Variants in DGKB observed in about 807,000 individuals in gnomAD.
DGKB encodes diacylglycerol kinase beta.
A neutral mutation model predicts 114.3 loss-of-function variants in DGKB; 67 were observed. The ratio of observed to expected loss-of-function variants is 0.59; its 90% CI spans 0.48 to 0.72. The LOEUF is 0.72. DGKB is among the 30% of genes least tolerant of loss of function. DGKB has a pLI of 0.00. For missense variants in DGKB, 907 were observed against 975.2 expected, an observed-to-expected ratio of 0.93 and a Z score of 0.93; for synonymous variants, 398 against 323.1, an observed-to-expected ratio of 1.23 and a Z score of -2.49.
chr7:14,682,024 C>G (rs1326631892), intron 12 of DGKB, among the ~76,000 whole-genome samples: 1 of 149,042 alleles, frequency 6.7e-6, no homozygotes, highest in Non-Finnish European at 1.5e-5. Context: ...GCCCTTCTAT[C>G]TAGTCACGTG....
chr7:14,374,168 A>G (rs973434097), intron 21 of DGKB, among the ~76,000 whole-genome samples: 12 of 152,014 alleles, frequency 7.9e-5, no homozygotes, highest in African/African-American at 1.9e-4. Context: ...TAGCTCCCCA[A>G]CCTTTACTTG....
chr7:14,779,918 C>T (rs1838810817), intron 2 of DGKB, among the ~76,000 whole-genome samples: 1 of 152,142 alleles, frequency 6.6e-6, no homozygotes, highest in Admixed American at 6.5e-5. Flanking sequence ...CTTTTTCTTT[C>T]TCTCACCACT....
At chr7:14,572,189 C>T (rs1798485771) in intron 20 of DGKB, among the ~76,000 whole-genome samples, 1 of 151,804 alleles carries the variant, frequency 6.6e-6, no homozygotes, top group African/African-American at 2.4e-5. Context: ...CGCGGTAGCT[C>T]ATGCCTGTAA....
chr7:14,793,623 G>T (rs571030343), intron 2 of DGKB, among the ~76,000 whole-genome samples: 1 of 152,212 alleles, frequency 6.6e-6, no homozygotes, highest in South Asian at 2.1e-4. Context: ...GGAGGAGAAG[G>T]ATGTACATAA....
chr7:14,687,950 T>C (rs1406901578), intron 9 of DGKB, among the ~76,000 whole-genome samples: 1 of 152,230 alleles, frequency 6.6e-6, no homozygotes, highest in South Asian at 2.1e-4. Flanking sequence ...TAAAATGCTT[T>C]ACCAAAAAAC....
At chr7:14,752,911 C>T (rs1392572738) in intron 4 of DGKB, among the ~76,000 whole-genome samples, 1 of 152,028 alleles carries the variant, frequency 6.6e-6, no homozygotes, top group African/African-American at 2.4e-5. Context: ...TGTCATAAAG[C>T]CTATTTAGTC....
intron 5 of DGKB, among the ~76,000 whole-genome samples, chr7:14,732,325 C>T (rs1352115236): frequency 6.6e-6 from 1 of 151,918 alleles, no homozygotes; most frequent in Non-Finnish European, 1.5e-5. Context: ...ACTATAACAG[C>T]ATAAACCAAA....
chr7:14,254,845 T>A (rs1795734442), intron 23 of DGKB, among the ~76,000 whole-genome samples: 1 of 152,162 alleles, frequency 6.6e-6, no homozygotes, highest in Non-Finnish European at 1.5e-5. Flanking sequence ...TTACCCCATC[T>A]TCAGCCCTTC....
chr7:14,777,148 T>G (rs1420802356), intron 2 of DGKB, among the ~76,000 whole-genome samples: 1 of 152,098 alleles, frequency 6.6e-6, no homozygotes, highest in Non-Finnish European at 1.5e-5. Context: ...GAAGACGTGT[T>G]TTTACCCAAT....
chr7:14,526,325 C>T (rs960259875), intron 20 of DGKB, among the ~76,000 whole-genome samples: 1 of 152,110 alleles, frequency 6.6e-6, no homozygotes, highest in Middle Eastern at 3.4e-3. Flanking sequence ...CATAAGATAC[C>T]AGTAGCACTC....
At chr7:14,582,373 T>G (rs549198754) in intron 18 of DGKB, among the ~76,000 whole-genome samples, 1 of 152,272 alleles carries the variant, frequency 6.6e-6, no homozygotes, top group African/African-American at 2.4e-5. Flanking sequence ...CTCAGTGATG[T>G]TCCTGTATTA....
intron 21 of DGKB, among the ~76,000 whole-genome samples, chr7:14,435,328 A>G (rs2079684860): frequency 6.6e-6 from 1 of 152,156 alleles, no homozygotes; most frequent in African/African-American, 2.4e-5. Flanking sequence ...AACAAAATAC[A>G]GAGTTCAGGA....
At chr7:14,829,724 C>G (rs538841775) in intron 2 of DGKB, among the ~76,000 whole-genome samples, 1 of 152,212 alleles carries the variant, frequency 6.6e-6, no homozygotes, top group Admixed American at 6.5e-5. Context: ...GGAAAATTAA[C>G]ACAGAACTCT....
intron 25 of DGKB, among the ~76,000 whole-genome samples, chr7:14,158,447 T>C (rs1783370562): frequency 2.0e-5 from 3 of 152,328 alleles, no homozygotes; most frequent in Admixed American, 6.5e-5. Flanking sequence ...GTTTGTTTGT[T>C]TGTTTAATCA....
chr7:14,348,681 A>C (rs746674759), intron 21 of DGKB, among the ~76,000 whole-genome samples: 6 of 152,006 alleles, frequency 3.9e-5, no homozygotes, highest in Non-Finnish European at 7.4e-5. Flanking sequence ...ACACTGGTCT[A>C]TTATGAAAAA....
At chr7:14,469,891 T>A (rs1781023011) in intron 21 of DGKB, among the ~76,000 whole-genome samples, 1 of 151,876 alleles carries the variant, frequency 6.6e-6, no homozygotes, top group Non-Finnish European at 1.5e-5. Context: ...TACAAATATA[T>A]AAATCGATGC....
chr7:14,191,557 GT>G (rs1429763650), intron 23 of DGKB: 1 of 191,610 alleles, frequency 5.2e-6, no homozygotes, highest in Non-Finnish European at 1.2e-5. Flanking sequence ...TACAGAATTG[GT>G]GATTTTGATA....
At chr7:14,334,591 T>A (rs1019323216) in intron 23 of DGKB, among the ~76,000 whole-genome samples, 6 of 152,136 alleles carry the variant, frequency 3.9e-5, no homozygotes, top group African/African-American at 1.2e-4. Flanking sequence ...AATGAATTTT[T>A]TTTTTTTACA....
At chr7:14,678,770 T>A (rs1820320731) in intron 12 of DGKB, among the ~76,000 whole-genome samples, 1 of 151,948 alleles carries the variant, frequency 6.6e-6, no homozygotes, top group Admixed American at 6.6e-5. Flanking sequence ...GCCAAGAGAT[T>A]TTGACTCTAA....
Sources: gnomAD v4.1 joint callset for allele counts (sites outside exome capture counted in the v4.1 genomes callset) on GRCh38, gnomAD v4.1.1 for gene constraint, MANE v1.5 for transcripts, NCBI Gene and HGNC (gene_info 2026-07-23, HGNC 2026-07-21) for gene names.